KCNH5: variants seen among roughly 807,000 people sequenced by gnomAD.
The protein encoded by KCNH5 is voltage-gated delayed rectifier potassium channel KCNH5.
Under a neutral mutation model 96.1 loss-of-function variants are expected in KCNH5, and 46 were observed. The observed-to-expected ratio is 0.48, with a 90% CI of 0.38 to 0.61. KCNH5 has a LOEUF of 0.61. KCNH5 is among the 20% of genes least tolerant of loss of function. The pLI is 0.00. For synonymous variants in KCNH5, 439 were observed against 449.8 expected (o/e 0.98, Z 0.30); for missense variants, 907 against 1,225.8 (o/e 0.74, Z 3.88).
chr14:63,016,759 C>T, intron 2 of KCNH5, 72 bp downstream of exon 2: 1 of 1,501,844 alleles, frequency 6.7e-7, no homozygotes, highest in Non-Finnish European at 9.1e-7. Flanking sequence ...TCCAAGTAAG[C>T]TTAAGCCTTT....
At chr14:62,807,335 T>C (rs1476947450) in intron 8 of KCNH5, among the ~76,000 whole-genome samples, 1 of 152,156 alleles carries the variant, frequency 6.6e-6, no homozygotes, top group African/African-American at 2.4e-5. Flanking sequence ...TAGCTATATA[T>C]ATGTTGTATG....
At chr14:62,870,296 C>T (rs547589066) in intron 7 of KCNH5, among the ~76,000 whole-genome samples, 8 of 152,210 alleles carry the variant, frequency 5.3e-5, no homozygotes, top group Non-Finnish European at 1.0e-4. Context: ...TTTTTGACTG[C>T]TTGGAGCAAT....
At chr14:62,997,897 C>T (rs1397359511) in intron 4 of KCNH5, among the ~76,000 whole-genome samples, 1 of 83,378 alleles carries the variant, frequency 1.2e-5, no homozygotes, top group African/African-American at 7.5e-5. Flanking sequence ...CAGACTCCAT[C>T]TCAAAAAAAA....
In KCNH5 at chr14:62,876,702, G is replaced by T. The variant is rs10145825; in HGVS notation, c.1370-26850C>A. 7.8e-3 allele frequency among the ~76,000 whole-genome samples: 1,183 copies of T among 152,238 alleles called. 14 individuals carry two copies. The highest frequency in any genetic ancestry group is 0.024 in the African/African-American group (1,001 of 41,548). On this transcript the variant is annotated intron_variant, in intron 7 of 10. Transcript: ENST00000322893. ...CATACTATATAGCGACCTTTATCAA[G>T]ACAACAGGGTATTGCCATAAGGGTA...
chr14:62,804,226 G>C (rs1886720980), intron 8 of KCNH5, among the ~76,000 whole-genome samples: 1 of 151,768 alleles, frequency 6.6e-6, no homozygotes, highest in Non-Finnish European at 1.5e-5. Context: ...AATTTCTATA[G>C]GCAGCAGCAA....
rs550561818 is a variant in KCNH5, at chr14:62,701,745, T to A, written c.*5763A>T. ...CACTTGCTTTAGAAATCTCAAAGGG[T>A]AGAACAAATAAATCACATTCAGAAA... On this transcript the variant is annotated 3_prime_UTR_variant, in exon 11 of 11. Transcript: ENST00000322893. 1 of 152,168 alleles carries A rather than the reference T, an allele frequency of 6.6e-6. No individual in the cohort carries two copies. The highest frequency in any genetic ancestry group is 2.1e-4 in the South Asian group (1 of 4,822). The allele number at this position is 152,168 out of a possible 1,614,324, so 9.4% of individuals were successfully genotyped here. A position where few individuals can be genotyped will look rare whatever the true frequency, so the allele number is the denominator to read the frequency against.
At chr14:62,799,722 TATATAC>T (rs1307036521) in intron 9 of KCNH5, among the ~76,000 whole-genome samples, 136 of 109,778 alleles carry the variant, frequency 1.2e-3, no homozygotes, top group Middle Eastern at 8.1e-3. Context: ...TATATATATA[TATATAC>T]ACACACACAC....
At chr14:63,016,107 C>T (rs2139606874) in intron 2 of KCNH5, among the ~76,000 whole-genome samples, 1 of 151,162 alleles carries the variant, frequency 6.6e-6, no homozygotes, top group African/African-American at 2.4e-5. Flanking sequence ...TAACTTGGTT[C>T]AGTGCTTAGT....
rs1174135912 is a variant in KCNH5, at chr14:62,701,618, AC to A, written c.*5889del. 1 of 152,078 alleles carries A rather than the reference AC, an allele frequency of 6.6e-6. No individual in the cohort carries two copies. Among genetic ancestry groups the A allele is most frequent in the African/African-American group, 2.4e-5 (1 of 41,442 alleles). 9.4% of individuals were successfully genotyped at this position (152,078 alleles called of 1,614,324 possible). Reference sequence around the variant, plus strand: ...AGTAGGATTCTTCCTTTCTATGATTACCTCTGGCTCAGTTATTAGCCAAGTG... The same window carrying A: ...AGTAGGATTCTTCCTTTCTATGATTACTCTGGCTCAGTTATTAGCCAAGTG... On this transcript the variant is annotated 3_prime_UTR_variant, in exon 11 of 11. Coordinates refer to ENST00000322893, the MANE Select transcript of KCNH5 (RefSeq NM_139318.5).
At chr14:62,723,637 A>C (rs1354449756) in intron 10 of KCNH5, among the ~76,000 whole-genome samples, 2 of 152,164 alleles carry the variant, frequency 1.3e-5, no homozygotes, top group Non-Finnish European at 2.9e-5. Context: ...CTGGATGAAA[A>C]GTGTGGGGTG....
chr14:62,999,445 A>G (rs1156325744), intron 4 of KCNH5, among the ~76,000 whole-genome samples: 1 of 151,998 alleles, frequency 6.6e-6, no homozygotes, highest in African/African-American at 2.4e-5. Context: ...TCACAATAGC[A>G]AAGACTTGGA....
intron 4 of KCNH5, among the ~76,000 whole-genome samples, chr14:62,990,268 C>A (rs1343054323): frequency 6.6e-6 from 1 of 151,918 alleles, no homozygotes; most frequent in African/African-American, 2.4e-5. Flanking sequence ...ACAATGAAAG[C>A]TTATTGTCAT....
Position 62,868,828 on chromosome 14 carries a change from T to A in KCNH5, c.1370-18976A>T, listed in dbSNP as rs113449282. Among the ~76,000 whole-genome samples the A allele has an allele frequency of 2.4e-4, 37 of 152,282 alleles. 2 individuals are homozygous for A. Among genetic ancestry groups the A allele is most frequent in the African/African-American group, 7.7e-4 (32 of 41,570 alleles). On this transcript the variant is annotated intron_variant, in intron 7 of 10. Transcript: ENST00000322893. The stretch of plus-strand genomic sequence containing the variant: ...TGTGTTATTTTGCTGAGAATGATGG[T>A]TTCCAGCTTCATCCATGTCCCTGCA...
intron 9 of KCNH5, among the ~76,000 whole-genome samples, chr14:62,795,087 C>T (rs1886512659): frequency 6.6e-6 from 1 of 152,154 alleles, no homozygotes; most frequent in African/African-American, 2.4e-5. Flanking sequence ...GTTCAAATTG[C>T]CTAGTTAACA....
At chr14:62,799,692 TA>T (rs1886612308) in intron 9 of KCNH5, among the ~76,000 whole-genome samples, 1 of 14,676 alleles carries the variant, frequency 6.8e-5, no homozygotes, top group African/African-American at 1.9e-4. Flanking sequence ...TATATACCTT[TA>T]TATATATATA....
chr14:62,787,532 G>A (rs1175532973), intron 9 of KCNH5, among the ~76,000 whole-genome samples: 2 of 152,148 alleles, frequency 1.3e-5, no homozygotes, highest in South Asian at 2.1e-4. Context: ...AAGGTGACTA[G>A]ACTAGACAAC....
intron 7 of KCNH5, among the ~76,000 whole-genome samples, chr14:62,898,701 G>C (rs1013670055): frequency 3.3e-5 from 5 of 152,028 alleles, no homozygotes; most frequent in Admixed American, 6.5e-5. Context: ...GGTATTAATA[G>C]CAGACAAAAT....
At chr14:62,876,216 C>A (rs1440639955) in intron 7 of KCNH5, among the ~76,000 whole-genome samples, 1 of 152,054 alleles carries the variant, frequency 6.6e-6, no homozygotes, top group Non-Finnish European at 1.5e-5. Context: ...TCTTCAGAGT[C>A]ATAAAGGGAA....
chr14:62,847,880 G>A (rs1887730334), intron 8 of KCNH5, among the ~76,000 whole-genome samples: 1 of 152,168 alleles, frequency 6.6e-6, no homozygotes, highest in South Asian at 2.1e-4. Flanking sequence ...TGCACACTTT[G>A]AGACACACTG....
Sources: allele counts gnomAD v4.1 joint callset (sites outside exome capture counted in the v4.1 genomes callset), GRCh38; gene constraint gnomAD v4.1.1; transcripts MANE v1.5; gene names NCBI Gene and HGNC (gene_info 2026-07-23, HGNC 2026-07-21).